CNTN5: variants seen among roughly 807,000 people sequenced by gnomAD.
CNTN5 encodes the protein contactin-5.
A neutral mutation model predicts 129.1 loss-of-function variants in CNTN5; 77 were observed. That is an observed-to-expected ratio of 0.60 (90% CI 0.50 to 0.72). The LOEUF is 0.72. Among genes scored for constraint, CNTN5 ranks in the 30% least tolerant of loss-of-function variants. The pLI is 0.00. For missense variants in CNTN5, 1,478 were observed against 1,328.8 expected (o/e 1.11, Z -1.75); for synonymous variants, 509 against 465.6 (o/e 1.09, Z -1.20).
intron 1 of CNTN5, among the ~76,000 whole-genome samples, chr11:99,274,234 A>G (rs926624609): frequency 4.0e-5 from 6 of 151,730 alleles, no homozygotes; most frequent in African/African-American, 1.5e-4. Context: ...TTGTGCTATT[A>G]CTTTCTCTTG....
intron 1 of CNTN5, among the ~76,000 whole-genome samples, chr11:99,202,543 A>G (rs574994658): frequency 2.6e-4 from 39 of 152,322 alleles, no homozygotes; most frequent in African/African-American, 9.4e-4. Context: ...TTTAATTAAC[A>G]TTCTTAGTAA....
In CNTN5 at chr11:99,035,207, G is replaced by A. The variant is rs1473857496; in HGVS notation, c.-210+13937G>A. On this transcript the variant is annotated intron_variant, in intron 1 of 24. Transcript: ENST00000524871. ...ACTTCCAAGTATGTGGTCAATTTTG[G>A]AATAGGTGTGGTGTGGTGCTGAAAA... 2.0e-5 allele frequency among the ~76,000 whole-genome samples: 3 copies of A among 150,456 alleles called. No individual in the cohort carries two copies. The East Asian group carries it at 5.9e-4, about 30-fold the overall frequency.
At chr11:99,038,847 A>T (rs1401696567) in intron 1 of CNTN5, among the ~76,000 whole-genome samples, 1 of 151,952 alleles carries the variant, frequency 6.6e-6, no homozygotes, top group African/African-American at 2.4e-5. Context: ...ATAATGAAAG[A>T]TGTATTATAC....
At chr11:99,487,861 T>C (rs565114697) in intron 2 of CNTN5, among the ~76,000 whole-genome samples, 10 of 152,284 alleles carry the variant, frequency 6.6e-5, no homozygotes, top group South Asian at 6.2e-4. Flanking sequence ...GTCACCTAAA[T>C]GAGTTTGTAC....
intron 1 of CNTN5, among the ~76,000 whole-genome samples, chr11:99,056,382 A>T (rs932929236): frequency 6.6e-6 from 1 of 151,910 alleles, no homozygotes. Flanking sequence ...AGAACTTAGA[A>T]CCATGCTCCA....
rs141618819 is a variant in CNTN5, at chr11:99,635,279, AC to A, written c.55+79013del. ...AATTGCAAACTTGGGAGATCAGCACACCCTCATGGAAATCTCAGTTTAGCTA... is the reference window on the plus strand; with the variant it reads ...AATTGCAAACTTGGGAGATCAGCACACCTCATGGAAATCTCAGTTTAGCTA... On this transcript the variant is annotated intron_variant, in intron 3 of 24. Coordinates refer to ENST00000524871, the MANE Select transcript of CNTN5 (RefSeq NM_014361.4). 3.4e-3 allele frequency among the ~76,000 whole-genome samples: 515 copies of A among 152,262 alleles called. 6 individuals carry two copies. The highest frequency in any genetic ancestry group is 0.012 in the African/African-American group (496 of 41,546).
chr11:99,833,133 G>A (rs995963781), intron 4 of CNTN5, among the ~76,000 whole-genome samples: 1 of 152,152 alleles, frequency 6.6e-6, no homozygotes, highest in Non-Finnish European at 1.5e-5. Context: ...CTGGCTGCAG[G>A]AGTCTCAGAT....
chr11:99,644,237 C>G (rs2135853722), intron 3 of CNTN5, among the ~76,000 whole-genome samples: 1 of 148,514 alleles, frequency 6.7e-6, no homozygotes, highest in African/African-American at 2.5e-5. Context: ...CCTATTACGT[C>G]TTTTTCCTTT....
At chr11:99,620,773 G>A (rs1950922465) in intron 3 of CNTN5, among the ~76,000 whole-genome samples, 1 of 151,872 alleles carries the variant, frequency 6.6e-6, no homozygotes, top group Non-Finnish European at 1.5e-5. Context: ...AAAAATAGGG[G>A]ACTCTCAAAA....
intron 14 of CNTN5, among the ~76,000 whole-genome samples, chr11:100,191,455 T>C (rs1296094405): frequency 1.3e-5 from 2 of 152,142 alleles, no homozygotes; most frequent in Non-Finnish European, 2.9e-5. Context: ...GAACCTCTTA[T>C]TGGCAGAAAT....
At chr11:99,589,678 T>G (rs905534373) in intron 3 of CNTN5, among the ~76,000 whole-genome samples, 1 of 152,042 alleles carries the variant, frequency 6.6e-6, no homozygotes, top group Non-Finnish European at 1.5e-5. Flanking sequence ...GATATATGAG[T>G]AGAAAGAAAA....
At chr11:99,227,890 G>T (rs533834027) in intron 1 of CNTN5, among the ~76,000 whole-genome samples, 2 of 151,978 alleles carry the variant, frequency 1.3e-5, no homozygotes, top group African/African-American at 4.8e-5. Flanking sequence ...TTAAATATAC[G>T]TGAGTATGTA....
intron 13 of CNTN5, among the ~76,000 whole-genome samples, chr11:100,111,001 A>C (rs1466700739): frequency 3.3e-5 from 3 of 91,134 alleles, no homozygotes; most frequent in Non-Finnish European, 6.5e-5. Flanking sequence ...TTGAAGTGTT[A>C]ATGCAAAAAA....
At position 99,849,244 on chromosome 11, in the gene CNTN5, T is replaced by G. The variant is rs188864439; in HGVS notation, c.577+3982T>G. 2.0e-3 allele frequency among the ~76,000 whole-genome samples: 310 copies of G among 151,750 alleles called. 1 individual carries two copies. Among genetic ancestry groups the G allele is most frequent in the African/African-American group, 7.1e-3 (293 of 41,460 alleles). ...AAATATAATAAAATGTAAAGATATA[T>G]CATCGAAGTTTTCTTTCTTTTGCAT... is the stretch of plus-strand genomic sequence containing the variant. On this transcript the variant is annotated intron_variant, in intron 6 of 24. Transcript: ENST00000524871.
chr11:99,623,907 A>G (rs867067830), intron 3 of CNTN5, among the ~76,000 whole-genome samples: 1 of 152,274 alleles, frequency 6.6e-6, no homozygotes, highest in East Asian at 1.9e-4. Context: ...TGTAGTTCTC[A>G]TTTAAAAATA....
At chr11:99,841,127 A>G (rs1243431769) in intron 4 of CNTN5, among the ~76,000 whole-genome samples, 2 of 152,144 alleles carry the variant, frequency 1.3e-5, no homozygotes, top group Non-Finnish European at 2.9e-5. Flanking sequence ...ATTTACTGTC[A>G]TTTATGTTGA....
chr11:99,721,913 T>C (rs1943186284), intron 3 of CNTN5, among the ~76,000 whole-genome samples: 1 of 152,128 alleles, frequency 6.6e-6, no homozygotes, highest in Non-Finnish European at 1.5e-5. Context: ...GTTAGATAAA[T>C]GCAAATCAAA....
At chr11:99,150,122 G>T (rs7938970) in intron 1 of CNTN5, among the ~76,000 whole-genome samples, 38,729 of 151,950 alleles carry the variant, frequency 0.25, 5,351 homozygotes, top group Middle Eastern at 0.32. Flanking sequence ...TTGAAATGTA[G>T]TTCTTTTCCT....
At chr11:100,266,021 G>A (rs1950295962) in intron 17 of CNTN5, among the ~76,000 whole-genome samples, 1 of 152,100 alleles carries the variant, frequency 6.6e-6, no homozygotes, top group African/African-American at 2.4e-5. Flanking sequence ...CAGTGGATAT[G>A]TCTTCTATCT....
Sources: allele counts gnomAD v4.1 joint callset (sites outside exome capture counted in the v4.1 genomes callset), GRCh38; gene constraint gnomAD v4.1.1; transcripts MANE v1.5; gene names NCBI Gene and HGNC (gene_info 2026-07-23, HGNC 2026-07-21).